The following CPQ variants were observed in gnomAD, a reference collection of about 807,000 sequenced individuals.
CPQ encodes carboxypeptidase Q.
Under a neutral mutation model 45.7 loss-of-function variants are expected in CPQ, and 37 were observed. That is an observed-to-expected ratio of 0.81 (90% CI 0.62 to 1.07). The LOEUF (loss-of-function observed/expected upper bound fraction) is 1.07, where lower values mean the gene tolerates loss of function less well. Among genes scored for constraint, CPQ ranks in the 50% least tolerant of loss-of-function variants. The pLI is 0.00. For missense variants in CPQ, 537 were observed against 572.9 expected (o/e 0.94, Z 0.64); for synonymous variants, 186 against 205.8 (o/e 0.90, Z 0.82).
At chr8:96,692,437 G>T (rs113274257) in intron 1 of CPQ, among the ~76,000 whole-genome samples, 3,144 of 152,204 alleles carry the variant, frequency 0.021, 120 homozygotes, top group African/African-American at 0.072. Flanking sequence ...GTTGGTGACT[G>T]CAGGGTTGCT....
intron 3 of CPQ, among the ~76,000 whole-genome samples, chr8:96,850,224 T>A (rs1432855209): frequency 6.6e-6 from 1 of 152,190 alleles, no homozygotes; most frequent in Non-Finnish European, 1.5e-5. Context: ...AAGTGGAAAC[T>A]CACCTTGTGA....
intron 1 of CPQ, among the ~76,000 whole-genome samples, chr8:96,720,402 CAT>C (rs1177169535): frequency 1.3e-5 from 2 of 152,062 alleles, no homozygotes; most frequent in Non-Finnish European, 2.9e-5. Flanking sequence ...TGAAGAGTTT[CAT>C]GTGTGTGTGT....
intron 6 of CPQ, among the ~76,000 whole-genome samples, chr8:97,039,589 C>G (rs908046795): frequency 6.6e-6 from 1 of 151,640 alleles, no homozygotes; most frequent in Non-Finnish European, 1.5e-5. Context: ...CCCATTAACT[C>G]GTCATTTAGC....
intron 3 of CPQ, among the ~76,000 whole-genome samples, chr8:96,840,334 A>T (rs1796847153): frequency 6.6e-6 from 1 of 152,172 alleles, no homozygotes; most frequent in Admixed American, 6.5e-5. Flanking sequence ...AGGGTAGCAG[A>T]TTAGGCAGTT....
At chr8:96,933,532 A>G (rs1380339165) in intron 4 of CPQ, among the ~76,000 whole-genome samples, 1 of 152,180 alleles carries the variant, frequency 6.6e-6, no homozygotes, top group Non-Finnish European at 1.5e-5. Flanking sequence ...AGAGGAGGAG[A>G]CTGAACGCTG....
At chr8:97,048,495 CTAAT>C (rs1334555055) in intron 6 of CPQ, among the ~76,000 whole-genome samples, 2 of 152,198 alleles carry the variant, frequency 1.3e-5, no homozygotes, top group African/African-American at 4.8e-5. Flanking sequence ...AAAGTGGACT[CTAAT>C]TCATTCTTTC....
intron 6 of CPQ, among the ~76,000 whole-genome samples, chr8:97,053,912 T>C (rs1386698972): frequency 5.9e-5 from 9 of 152,002 alleles, no homozygotes; most frequent in Non-Finnish European, 1.0e-4. Flanking sequence ...CAGAATCTGA[T>C]GGTGGATTGC....
chr8:96,880,535 A>ATGTATATG, intron 4 of CPQ, among the ~76,000 whole-genome samples: 1 of 10,196 alleles, frequency 9.8e-5, no homozygotes, highest in Admixed American at 7.7e-4. Flanking sequence ...ATATATATAT[A>ATGTATATG]TATATATATA....
intron 3 of CPQ, among the ~76,000 whole-genome samples, chr8:96,871,511 G>A (rs1488061710): frequency 4.2e-5 from 6 of 143,942 alleles, no homozygotes; most frequent in Non-Finnish European, 6.1e-5. Context: ...TACTGTGATA[G>A]CTTCAGGCTT....
At chr8:96,892,611 C>G (rs1812392561) in intron 4 of CPQ, among the ~76,000 whole-genome samples, 1 of 152,076 alleles carries the variant, frequency 6.6e-6, no homozygotes, top group Non-Finnish European at 1.5e-5. Flanking sequence ...ACCAGCCAAC[C>G]TAAATCATGG....
chr8:96,759,525 T>C (rs2130790621), intron 1 of CPQ, among the ~76,000 whole-genome samples: 1 of 152,312 alleles, frequency 6.6e-6, no homozygotes, highest in East Asian at 1.9e-4. Context: ...CATTAGCATT[T>C]CCATTACATC....
chr8:96,787,525 C>CTTTTTTTTTTTTGTTTTTT (rs1810785102), intron 2 of CPQ, among the ~76,000 whole-genome samples: 1 of 47,594 alleles, frequency 2.1e-5, no homozygotes, highest in Non-Finnish European at 3.7e-5. Flanking sequence ...CTTATAATGT[C>CTTTTTTTTTTTTGTTTTTT]TTTTTTTTTT....
chr8:96,664,733 A>C (rs996355224), intron 1 of CPQ, among the ~76,000 whole-genome samples: 5 of 152,246 alleles, frequency 3.3e-5, no homozygotes, highest in Non-Finnish European at 5.9e-5. Context: ...TTAACCACCA[A>C]GTAAAGTTGT....
chr8:96,853,398 T>C (rs1484609988), intron 3 of CPQ, among the ~76,000 whole-genome samples: 1 of 152,222 alleles, frequency 6.6e-6, no homozygotes, highest in African/African-American at 2.4e-5. Flanking sequence ...CTGTGAAGAC[T>C]GGTAATTCAT....
At position 96,902,137 on chromosome 8, in the gene CPQ, G is replaced by A. The variant is rs549083886; in HGVS notation, c.849+22132G>A. ...GAGGGATAGACTGGGATCAGTTCAG[G>A]AGGCTCCTCCCAGAACCAGGAATCT... On this transcript the variant is annotated intron_variant, in intron 4 of 7. Transcript: ENST00000220763. Among the ~76,000 whole-genome samples the A allele has an allele frequency of 4.6e-5, 7 of 152,242 alleles. No homozygotes were observed. In the East Asian group the frequency reaches 1.4e-3, roughly 29 times the overall value.
chr8:96,988,974 A>G (rs1022246648), intron 5 of CPQ, among the ~76,000 whole-genome samples: 1 of 152,228 alleles, frequency 6.6e-6, no homozygotes, highest in Admixed American at 6.5e-5. Flanking sequence ...TATTAAAGCC[A>G]GCTTAAAATG....
intron 7 of CPQ, among the ~76,000 whole-genome samples, chr8:97,105,380 G>T (rs1472267654): frequency 6.6e-6 from 1 of 152,168 alleles, no homozygotes; most frequent in Non-Finnish European, 1.5e-5. Context: ...CCAGGTTGTA[G>T]CATGTGTCAG....
chr8:96,921,712 C>T (rs1266233310), intron 4 of CPQ, among the ~76,000 whole-genome samples: 1 of 152,168 alleles, frequency 6.6e-6, no homozygotes, highest in Non-Finnish European at 1.5e-5. Context: ...ACACCTTTCC[C>T]CAACTCCCAA....
intron 3 of CPQ, among the ~76,000 whole-genome samples, chr8:96,843,225 A>G (rs1811639609): frequency 6.6e-6 from 1 of 152,144 alleles, no homozygotes; most frequent in Admixed American, 6.5e-5. Flanking sequence ...GTTTAAAAGC[A>G]GTAATGTTAT....
Sources: allele counts gnomAD v4.1 joint callset (sites outside exome capture counted in the v4.1 genomes callset), GRCh38; gene constraint gnomAD v4.1.1; transcripts MANE v1.5; gene names NCBI Gene and HGNC (gene_info 2026-07-23, HGNC 2026-07-21).